Variants in NTN4 observed in about 807,000 individuals in gnomAD.
NTN4 encodes the protein netrin-4.
NTN4 carries 32 observed loss-of-function variants against 73.6 expected under a neutral mutation model. The ratio of observed to expected loss-of-function variants is 0.44; its 90% CI spans 0.33 to 0.58. The LOEUF (loss-of-function observed/expected upper bound fraction) is 0.58. Ranked by LOEUF, NTN4 falls within the 20% of genes least tolerant of loss-of-function variation. The pLI, the probability that NTN4 is intolerant of heterozygous loss-of-function variation, is 0.04. For missense variants in NTN4, 654 were observed against 798.3 expected, an observed-to-expected ratio of 0.82 and a Z score of 2.18; for synonymous variants, 258 against 287.5, an observed-to-expected ratio of 0.90 and a Z score of 1.04.
Position 95,665,418 on chromosome 12 carries a change from C to A in NTN4, c.1750+392G>T, listed in dbSNP as rs79722553. Among the ~76,000 whole-genome samples the A allele has an allele frequency of 5.0e-4, 76 of 152,284 alleles. 3 individuals are homozygous for A. In the East Asian group the frequency reaches 0.015, roughly 29 times the overall value. ...AGTCGAAATGAATTCAATATTATTT[C>A]CACAGATGGAATTTTGCATTTGAAC... On this transcript the variant is annotated intron_variant, in intron 9 of 9. Transcript: ENST00000343702.
intron 8 of NTN4, among the ~76,000 whole-genome samples, chr12:95,669,602 C>G (rs1309893612): frequency 1.6e-5 from 1 of 63,682 alleles, no homozygotes; most frequent in African/African-American, 5.7e-5. Flanking sequence ...TTAAGTCTCC[C>G]ACCAATAAGC....
At chr12:95,782,878 A>G (rs1343970708) in intron 2 of NTN4, among the ~76,000 whole-genome samples, 1 of 152,220 alleles carries the variant, frequency 6.6e-6, no homozygotes, top group Admixed American at 6.5e-5. Context: ...ACACTGGAAC[A>G]GATGCTGTTT....
chr12:95,717,918 T>G (rs984886708), intron 3 of NTN4, among the ~76,000 whole-genome samples: 2 of 152,238 alleles, frequency 1.3e-5, no homozygotes, highest in Non-Finnish European at 2.9e-5. Flanking sequence ...TTCCCTGTTA[T>G]GCTAAGAATA....
intron 3 of NTN4, among the ~76,000 whole-genome samples, chr12:95,730,877 C>T (rs2078732210): frequency 6.6e-6 from 1 of 152,124 alleles, no homozygotes. Flanking sequence ...TTACCTATTC[C>T]TCCAGATCCT....
intron 2 of NTN4, among the ~76,000 whole-genome samples, chr12:95,748,230 C>CAAAAAAAAAAAAAAA (rs769213172): frequency 2.6e-5 from 2 of 76,570 alleles, no homozygotes; most frequent in African/African-American, 1.0e-4. Flanking sequence ...GACTCTGTCT[C>CAAAAAAAAAAAAAAA]AAAAAAAAAA....
At chr12:95,774,747 C>T (rs562887502) in intron 2 of NTN4, among the ~76,000 whole-genome samples, 2 of 152,224 alleles carry the variant, frequency 1.3e-5, no homozygotes, top group South Asian at 2.1e-4. Context: ...ATACTTGGAT[C>T]TTGAAAGGCA....
intron 2 of NTN4, among the ~76,000 whole-genome samples, chr12:95,742,769 G>C (rs951096744): frequency 1.3e-5 from 2 of 152,134 alleles, no homozygotes; most frequent in Non-Finnish European, 2.9e-5. Flanking sequence ...TGTTTGTCTG[G>C]TTCACAGCTG....
chr12:95,720,051 C>T (rs961089842), intron 3 of NTN4, among the ~76,000 whole-genome samples: 1 of 152,174 alleles, frequency 6.6e-6, no homozygotes, highest in African/African-American at 2.4e-5. Context: ...GTACTTAAGG[C>T]TTCATTTCCC....
intron 9 of NTN4, among the ~76,000 whole-genome samples, chr12:95,665,022 C>A (rs1334914548): frequency 6.6e-6 from 1 of 151,938 alleles, no homozygotes; most frequent in Non-Finnish European, 1.5e-5. Context: ...TTATTAGAAC[C>A]TGCTAAGTAT....
rs1393502006 is a variant in NTN4, at chr12:95,749,994, C to T, written c.586-11850G>A. On this transcript the variant is annotated intron_variant, in intron 2 of 9. Coordinates refer to ENST00000343702, the MANE Select transcript of NTN4 (RefSeq NM_021229.4). ...ACCCTTAGTGGCAAGTCCCGCTTTT[C>T]TGGGGGAGGGGCAAGTACCCCTCAA... Among the ~76,000 whole-genome samples the T allele has an allele frequency of 2.0e-5, 3 of 151,124 alleles. No homozygotes were observed. In the East Asian group the frequency reaches 5.9e-4, roughly 30 times the overall value.
intron 3 of NTN4, among the ~76,000 whole-genome samples, chr12:95,735,476 C>G (rs988701660): frequency 2.0e-5 from 3 of 152,098 alleles, no homozygotes; most frequent in Non-Finnish European, 4.4e-5. Flanking sequence ...AAGATGTCAG[C>G]AAACTAATAT....
intron 3 of NTN4, among the ~76,000 whole-genome samples, chr12:95,715,955 T>G (rs2078601961): frequency 6.6e-6 from 1 of 151,848 alleles, no homozygotes; most frequent in Non-Finnish European, 1.5e-5. Flanking sequence ...AAAATGACTG[T>G]GTAGGAAAAA....
At chr12:95,678,757 G>A (rs994556293) in intron 7 of NTN4, among the ~76,000 whole-genome samples, 7 of 151,680 alleles carry the variant, frequency 4.6e-5, no homozygotes, top group African/African-American at 9.7e-5. Context: ...CAGCAAAGTC[G>A]CTGGATACAA....
chr12:95,722,784 G>A (rs533922631), intron 3 of NTN4, among the ~76,000 whole-genome samples: 187 of 152,110 alleles, frequency 1.2e-3, no homozygotes, highest in African/African-American at 4.4e-3. Context: ...AGAGCGGCCT[G>A]GCCAGCATAG....
At chr12:95,750,817 T>C (rs547897325) in intron 2 of NTN4, among the ~76,000 whole-genome samples, 95 of 151,640 alleles carry the variant, frequency 6.3e-4, no homozygotes, top group Middle Eastern at 3.4e-3. Context: ...AGCCTCTGCT[T>C]CTCCACCCTA....
At chr12:95,749,170 C>T (rs189552268) in intron 2 of NTN4, among the ~76,000 whole-genome samples, 3,481 of 152,300 alleles carry the variant, frequency 0.023, 44 homozygotes, top group East Asian at 0.04. Flanking sequence ...CCACCCCTAT[C>T]TCCCTTCGCT....
At chr12:95,776,516 A>C (rs182873606) in intron 2 of NTN4, among the ~76,000 whole-genome samples, 1 of 152,250 alleles carries the variant, frequency 6.6e-6, no homozygotes, top group African/African-American at 2.4e-5. Context: ...TGACACATGC[A>C]TAAGCTTCAG....
At chr12:95,666,003 G>A (rs572813508) in intron 8 of NTN4, 23 bp from the exon 9 acceptor site, 2 of 1,532,642 alleles carry the variant, frequency 1.3e-6, no homozygotes, top group African/African-American at 1.4e-5. Context: ...AAGTCAAAAT[G>A]CATAGAATTT....
At chr12:95,733,835 C>G (rs541607531) in intron 3 of NTN4, among the ~76,000 whole-genome samples, 1 of 151,764 alleles carries the variant, frequency 6.6e-6, no homozygotes, top group Non-Finnish European at 1.5e-5. Context: ...TTTGGAAGGC[C>G]GAGGCAAGCA....
Sources: allele counts gnomAD v4.1 joint callset (sites outside exome capture counted in the v4.1 genomes callset), GRCh38; gene constraint gnomAD v4.1.1; transcripts MANE v1.5; gene names NCBI Gene and HGNC (gene_info 2026-07-23, HGNC 2026-07-21).